Variants in STOX2 observed in about 807,000 individuals in gnomAD.
The protein encoded by STOX2 is storkhead box 2.
In STOX2, 28 loss-of-function variants were observed where a neutral mutation model predicts 60.9. That is an observed-to-expected ratio of 0.46 (90% confidence interval 0.34 to 0.63). STOX2 has a LOEUF of 0.63. STOX2 is among the 30% of genes least tolerant of loss of function. STOX2 has a pLI of 0.01. For synonymous variants in STOX2, 472 were observed against 463.9 expected (o/e 1.02, Z -0.22); for missense variants, 1,024 against 1,187.7 (o/e 0.86, Z 2.03).
chr4:183,816,452 A>C (rs777020962), intron 1 of STOX2, among the ~76,000 whole-genome samples: 3 of 152,224 alleles, frequency 2.0e-5, no homozygotes, highest in Admixed American at 6.5e-5. Flanking sequence ...AACAATGGGT[A>C]CACATGCACA....
intron 1 of STOX2, among the ~76,000 whole-genome samples, chr4:183,962,939 G>A (rs1004734346): frequency 3.3e-5 from 5 of 152,188 alleles, no homozygotes; most frequent in African/African-American, 9.7e-5. Context: ...AGCAGTAGAA[G>A]CAAAAGTTCT....
intron 1 of STOX2, among the ~76,000 whole-genome samples, chr4:183,830,036 G>T (rs554521454): frequency 4.7e-4 from 72 of 152,140 alleles, no homozygotes; most frequent in Non-Finnish European, 3.1e-4. Flanking sequence ...GATCTTTACT[G>T]CATTGTTGCT....
intron 1 of STOX2, among the ~76,000 whole-genome samples, chr4:183,981,613 A>G (rs1171122564): frequency 6.6e-6 from 1 of 152,146 alleles, no homozygotes; most frequent in Non-Finnish European, 1.5e-5. Flanking sequence ...TTTAACTGAA[A>G]AATCATAAGC....
chr4:183,824,846 G>A (rs1395215029), intron 1 of STOX2, among the ~76,000 whole-genome samples: 1 of 152,214 alleles, frequency 6.6e-6, no homozygotes, highest in African/African-American at 2.4e-5. Context: ...GCAGCAGACT[G>A]TGGCGGGTGG....
chr4:183,965,144 C>T (rs2111166983), intron 1 of STOX2, among the ~76,000 whole-genome samples: 1 of 152,232 alleles, frequency 6.6e-6, no homozygotes, highest in South Asian at 2.1e-4. Context: ...ATCTTTTAGC[C>T]ACTCATGGCA....
chr4:183,867,005 T>G (rs1740582993), intron 1 of STOX2, among the ~76,000 whole-genome samples: 2 of 152,192 alleles, frequency 1.3e-5, no homozygotes, highest in Non-Finnish European at 2.9e-5. Flanking sequence ...AAAAAGGTCA[T>G]CTCTTGTTTA....
At chr4:183,833,284 G>A (rs975186309) in intron 1 of STOX2, among the ~76,000 whole-genome samples, 2 of 152,110 alleles carry the variant, frequency 1.3e-5, no homozygotes, top group South Asian at 2.1e-4. Context: ...GATTCCCTTC[G>A]TGGTTACTTA....
In STOX2 at chr4:184,020,685, G is replaced by C. The variant is rs910055429; in HGVS notation, c.*3401G>C. On this transcript the variant is annotated 3_prime_UTR_variant, in exon 4 of 4. Transcript: ENST00000308497. ...GGGACCATAATGAACATATGAAAGGGGGGGGGGTGCCATCAAATAGAGAAA... is the reference window on the plus strand; with the variant it reads ...GGGACCATAATGAACATATGAAAGGCGGGGGGGTGCCATCAAATAGAGAAA... 2.8e-5 allele frequency: 4 copies of C among 142,372 alleles called. No individual in the cohort carries two copies. The highest frequency in any genetic ancestry group is 3.4e-3 in the Middle Eastern group (1 of 290). The allele number at this position is 142,372 out of a possible 1,614,324, so 8.8% of individuals were successfully genotyped here. A position where few individuals can be genotyped will look rare whatever the true frequency, so the allele number is the denominator to read the frequency against.
intron 1 of STOX2, among the ~76,000 whole-genome samples, chr4:183,844,401 TACTC>T (rs1345508592): frequency 1.3e-5 from 2 of 152,238 alleles, no homozygotes; most frequent in Admixed American, 6.5e-5. Flanking sequence ...TTATCAGTTT[TACTC>T]ACTCAAACAA....
chr4:183,880,865 A>AT (rs569812013), intron 1 of STOX2, among the ~76,000 whole-genome samples: 3 of 150,608 alleles, frequency 2.0e-5, no homozygotes, highest in Admixed American at 6.6e-5. Flanking sequence ...TCTGAACAGG[A>AT]TTTTTTTTTT....
intron 1 of STOX2, among the ~76,000 whole-genome samples, chr4:183,926,417 A>G (rs1030297421): frequency 6.6e-5 from 10 of 152,208 alleles, no homozygotes; most frequent in African/African-American, 2.4e-4. Flanking sequence ...CATAGGAGCC[A>G]GTGATATTCT....
At chr4:184,006,328 G>A (rs1208600648) in intron 2 of STOX2, among the ~76,000 whole-genome samples, 1 of 152,054 alleles carries the variant, frequency 6.6e-6, no homozygotes, top group African/African-American at 2.4e-5. Context: ...TTTAAACATG[G>A]GCTTGTTATC....
chr4:183,923,088 C>G (rs1742148113), intron 1 of STOX2, among the ~76,000 whole-genome samples: 1 of 152,202 alleles, frequency 6.6e-6, no homozygotes, highest in Admixed American at 6.5e-5. Flanking sequence ...GCTGTGCACA[C>G]AGGTGTACAA....
At position 184,010,739 on chromosome 4, in the gene STOX2, A is replaced by C; in HGVS notation, c.1901A>C (p.Lys634Thr). Residue 634 changes from lysine to threonine, a missense_variant, in exon 3 of 4, where the codon AAA becomes ACA. By Grantham distance (78) the Lys-to-Thr change is moderately conservative (BLOSUM62 -1). Around this residue, in one of 3 missense-constraint regions of STOX2, gnomAD observed 922 missense variants for 1,058.3 expected, o/e 0.87. Coordinates refer to ENST00000308497, the MANE Select transcript of STOX2 (RefSeq NM_020225.3). The surrounding 1 kb of genome is among the most constrained non-coding windows in gnomAD (Gnocchi z 4.5). Reference sequence around the variant, plus strand: ...ACTCTGACTTTGGCAGAAGGGGTGAAAAAGCTCTCCCCTTCTGATAGGCAG... The same window carrying C: ...ACTCTGACTTTGGCAGAAGGGGTGACAAAGCTCTCCCCTTCTGATAGGCAG... ...HDTLTLAEGV[K>T]KLSPSDRQVP... The C allele has an allele frequency of 6.3e-7, 1 of 1,593,930 alleles. No individual in the cohort carries two copies. The highest frequency in any genetic ancestry group is 8.5e-7 in the Non-Finnish European group (1 of 1,170,338).
chr4:183,935,102 G>T (rs976707401), intron 1 of STOX2, among the ~76,000 whole-genome samples: 13 of 152,256 alleles, frequency 8.5e-5, no homozygotes, highest in Non-Finnish European at 1.8e-4. Flanking sequence ...CGGGGAAACA[G>T]TTTGGTGTTT....
chr4:184,000,587 C>T (rs889930709), intron 1 of STOX2, among the ~76,000 whole-genome samples: 1 of 152,166 alleles, frequency 6.6e-6, no homozygotes, highest in African/African-American at 2.4e-5. Context: ...TGTCCCCCTT[C>T]GCTTCTGTGC....
chr4:184,011,111 A>T lies in STOX2; in HGVS notation c.2273A>T (p.Gln758Leu). ...GCGGCACAAGCCATGCCTGCTTCCC[A>T]GCGTCAGCAGGAGTCAGGAGGGAAC... ...TSAAQAMPAS[Q>L]RQQESGGNQE... The change falls in exon 3 of 4, where the codon CAG (glutamine) becomes CTG (leucine). Residue 758 changes from glutamine to leucine, a missense_variant. Gln to Leu is a moderately radical substitution (Grantham distance 113). Around this residue, in one of 3 missense-constraint regions of STOX2, gnomAD observed 922 missense variants for 1,058.3 expected, o/e 0.87. Transcript: ENST00000308497. This position sits in a 1 kb window ranked among gnomAD's most constrained non-coding sequence, Gnocchi z 4.4. The T allele has an allele frequency of 1.9e-6, 3 of 1,588,158 alleles. No individual in the cohort carries two copies. The South Asian group carries it at 3.5e-5, about 18-fold the overall frequency.
At chr4:183,871,881 A>G (rs889111330) in intron 1 of STOX2, among the ~76,000 whole-genome samples, 1 of 152,150 alleles carries the variant, frequency 6.6e-6, no homozygotes, top group African/African-American at 2.4e-5. Flanking sequence ...CTACAGAAGT[A>G]TGGGTTTGTA....
chr4:183,809,434 C>CT (rs1738986438), intron 1 of STOX2, among the ~76,000 whole-genome samples: 1 of 151,854 alleles, frequency 6.6e-6, no homozygotes, highest in Non-Finnish European at 1.5e-5. Flanking sequence ...GAGTCTTGCT[C>CT]TGTCACCAGG....
Sources: allele counts gnomAD v4.1 joint callset (sites outside exome capture counted in the v4.1 genomes callset), GRCh38; gene constraint gnomAD v4.1.1; regional missense constraint gnomAD v4.1.1; non-coding constraint Gnocchi (gnomAD v3.1); transcripts MANE v1.5; gene names NCBI Gene and HGNC (gene_info 2026-07-23, HGNC 2026-07-21).